MYT1L: variants seen among roughly 807,000 people sequenced by gnomAD.
MYT1L encodes the protein myelin transcription factor 1 like.
In MYT1L, 12 loss-of-function variants were observed where a neutral mutation model predicts 126.7. The observed-to-expected ratio is 0.09, with a 90% CI of 0.06 to 0.15. The LOEUF is 0.15. MYT1L is among the 10% of genes least tolerant of loss of function. The pLI, the probability that MYT1L is intolerant of heterozygous loss-of-function variation, is 1.00. For missense variants in MYT1L, 979 were observed against 1,585.2 expected (o/e 0.62, Z 6.49); for synonymous variants, 541 against 604.2 (o/e 0.90, Z 1.53).
At chr2:2,182,165 C>T (rs1054870344) in intron 2 of MYT1L, among the ~76,000 whole-genome samples, 1 of 151,514 alleles carries the variant, frequency 6.6e-6, no homozygotes, top group Admixed American at 6.6e-5. Flanking sequence ...ACGGACAGCA[C>T]GCCCCACTCT....
intron 18 of MYT1L, among the ~76,000 whole-genome samples, chr2:1,869,265 G>C (rs1167095040): frequency 6.6e-6 from 1 of 152,212 alleles, no homozygotes; most frequent in Admixed American, 6.5e-5. Flanking sequence ...ACACAGTCCT[G>C]GACCTGGGTT....
intron 13 of MYT1L, among the ~76,000 whole-genome samples, chr2:1,908,035 TTTC>T (rs1438340793): frequency 2.6e-5 from 4 of 152,244 alleles, no homozygotes; most frequent in Non-Finnish European, 5.9e-5. Context: ...CTAGCGTCTC[TTTC>T]TTCTTGTTAA....
intron 8 of MYT1L, among the ~76,000 whole-genome samples, chr2:1,956,404 GTCTA>G (rs372440974): frequency 0.053 from 4,335 of 81,700 alleles, 404 homozygotes; most frequent in South Asian, 0.07. Flanking sequence ...CTATCTGTCT[GTCTA>G]TCTATCTATC....
At chr2:2,321,636 G>A (rs988871040) in intron 1 of MYT1L, among the ~76,000 whole-genome samples, 2 of 152,008 alleles carry the variant, frequency 1.3e-5, no homozygotes, top group Non-Finnish European at 2.9e-5. Flanking sequence ...TTGAGATAAC[G>A]GCATGAAGGC....
At chr2:2,102,525 A>C (rs1217174252) in intron 3 of MYT1L, among the ~76,000 whole-genome samples, 1 of 151,282 alleles carries the variant, frequency 6.6e-6, no homozygotes, top group Non-Finnish European at 1.5e-5. Context: ...TTCCCATTCT[A>C]CCTTTCTTAT....
chr2:1,873,873 C>T (rs1217393489), intron 18 of MYT1L, among the ~76,000 whole-genome samples: 1 of 152,160 alleles, frequency 6.6e-6, no homozygotes, highest in Non-Finnish European at 1.5e-5. Flanking sequence ...AATTCAGCAC[C>T]TGATGAGTTC....
intron 3 of MYT1L, among the ~76,000 whole-genome samples, chr2:2,163,604 C>T (rs1297107983): frequency 9.3e-5 from 14 of 151,168 alleles, no homozygotes; most frequent in Admixed American, 4.0e-4. Flanking sequence ...CGGTGGCGGG[C>T]GCCTGTAGTC....
intron 1 of MYT1L, among the ~76,000 whole-genome samples, chr2:2,318,863 T>C (rs1207729645): frequency 1.3e-5 from 2 of 152,256 alleles, no homozygotes; most frequent in Non-Finnish European, 2.9e-5. Flanking sequence ...TTTTGATGCC[T>C]GAGCTACTTA....
chr2:2,243,946 C>G (rs2094484588), intron 2 of MYT1L, among the ~76,000 whole-genome samples: 1 of 152,290 alleles, frequency 6.6e-6, no homozygotes, highest in Admixed American at 6.5e-5. Flanking sequence ...AGACCACATG[C>G]AGGATTGGCA....
At chr2:2,202,813 C>A (rs905854479) in intron 2 of MYT1L, among the ~76,000 whole-genome samples, 7 of 151,956 alleles carry the variant, frequency 4.6e-5, no homozygotes, top group African/African-American at 1.7e-4. Flanking sequence ...GGCAGAGACA[C>A]AACAAAAAAA....
Position 1,926,576 on chromosome 2 carries a change from T to G in MYT1L, c.506-3313A>C, listed in dbSNP as rs570030906. Among the ~76,000 whole-genome samples the G allele has an allele frequency of 3.9e-5, 6 of 152,328 alleles. No homozygotes were observed. In the South Asian group the frequency reaches 1.2e-3, roughly 32 times the overall value. ...TACTAGGTTTTGTTTTTGTTTTTGT[T>G]TTTTGAGATGGAGTCTCACTCTGTC... On this transcript the variant is annotated intron_variant, in intron 9 of 24. Transcript: ENST00000647738.
At chr2:2,123,406 T>C (rs2081297390) in intron 3 of MYT1L, among the ~76,000 whole-genome samples, 1 of 152,160 alleles carries the variant, frequency 6.6e-6, no homozygotes, top group Non-Finnish European at 1.5e-5. Flanking sequence ...TTTGGATCTG[T>C]GTCCCGCCCA....
chr2:2,327,801 C>T (rs1386600108), intron 1 of MYT1L, among the ~76,000 whole-genome samples: 8 of 152,038 alleles, frequency 5.3e-5, no homozygotes, highest in African/African-American at 1.7e-4. Context: ...CTGACTAGTC[C>T]CTCTAATTCC....
At chr2:2,155,208 T>C (rs923064141) in intron 3 of MYT1L, among the ~76,000 whole-genome samples, 4 of 152,170 alleles carry the variant, frequency 2.6e-5, no homozygotes, top group African/African-American at 2.4e-5. Flanking sequence ...CTTAAAAGTG[T>C]TGGACTGAAT....
At chr2:2,255,703 C>A (rs769262382) in intron 2 of MYT1L, among the ~76,000 whole-genome samples, 50 of 152,270 alleles carry the variant, frequency 3.3e-4, no homozygotes, top group South Asian at 8.3e-4. Flanking sequence ...TGGATGCCTG[C>A]AGTGACAGGT....
intron 2 of MYT1L, among the ~76,000 whole-genome samples, chr2:2,278,850 C>T (rs1258219218): frequency 6.6e-6 from 1 of 152,112 alleles, no homozygotes; most frequent in Non-Finnish European, 1.5e-5. Context: ...TCCCCTTGAG[C>T]CCAAGGCCAC....
chr2:2,297,190 C>T (rs773377495), intron 1 of MYT1L, among the ~76,000 whole-genome samples: 20 of 152,222 alleles, frequency 1.3e-4, no homozygotes, highest in African/African-American at 3.9e-4. Context: ...CCCGTGGCGC[C>T]GCTCTGAGTC....
intron 21 of MYT1L, among the ~76,000 whole-genome samples, chr2:1,822,456 G>A (rs1285104867): frequency 3.3e-5 from 5 of 152,220 alleles, no homozygotes; most frequent in Non-Finnish European, 7.3e-5. Context: ...CCTGGAGAGC[G>A]CAGGGTGTGT....
At chr2:2,274,108 T>C (rs1188411015) in intron 2 of MYT1L, among the ~76,000 whole-genome samples, 1 of 152,128 alleles carries the variant, frequency 6.6e-6, no homozygotes, top group African/African-American at 2.4e-5. Context: ...TTAACAATAA[T>C]TACTATATGT....
Sources: allele counts gnomAD v4.1 joint callset (sites outside exome capture counted in the v4.1 genomes callset), GRCh38; gene constraint gnomAD v4.1.1; transcripts MANE v1.5; gene names NCBI Gene and HGNC (gene_info 2026-07-23, HGNC 2026-07-21).